AXIN1: variants seen among roughly 807,000 people sequenced by gnomAD.
AXIN1 encodes the protein axin-1.
Under a neutral mutation model 76.4 loss-of-function variants are expected in AXIN1, and 30 were observed. The observed-to-expected ratio is 0.39, with a 90% CI of 0.29 to 0.53. The LOEUF (loss-of-function observed/expected upper bound fraction) is 0.53, where lower values mean the gene tolerates loss of function less well. Among genes scored for constraint, AXIN1 ranks in the 20% least tolerant of loss-of-function variants. The probability of loss-of-function intolerance (pLI) is 0.66; values close to 1 mark genes in which losing one functional copy is unlikely to be tolerated. For synonymous variants in AXIN1, 545 were observed against 501.4 expected (o/e 1.09, Z -1.16); for missense variants, 1,140 against 1,198.8 (o/e 0.95, Z 0.72).
At chr16:319,725 T>G (rs111576193) in intron 2 of AXIN1, among the ~76,000 whole-genome samples, 3 of 152,224 alleles carry the variant, frequency 2.0e-5, no homozygotes, top group Non-Finnish European at 2.9e-5. Context: ...CTCTGGTCAC[T>G]GTGGTACTTT....
intron 2 of AXIN1, among the ~76,000 whole-genome samples, chr16:340,561 C>G (rs1395760647): frequency 6.6e-6 from 1 of 152,214 alleles, no homozygotes; most frequent in Non-Finnish European, 1.5e-5. Flanking sequence ...CTGGGCCTCC[C>G]GCCCAACACT....
intron 2 of AXIN1, among the ~76,000 whole-genome samples, chr16:339,510 CAAAAAAA>C (rs35043577): frequency 7.4e-5 from 5 of 67,574 alleles, no homozygotes; most frequent in Admixed American, 1.8e-4. Context: ...GACTCCATCT[CAAAAAAA>C]AAAAAAAAAA....
At chr16:306,930 C>A (rs1311027973) in intron 4 of AXIN1, among the ~76,000 whole-genome samples, 3 of 152,222 alleles carry the variant, frequency 2.0e-5, no homozygotes, top group Non-Finnish European at 4.4e-5. Flanking sequence ...AGGGCGTCCA[C>A]ACAGATGGCA....
intron 2 of AXIN1, among the ~76,000 whole-genome samples, chr16:320,943 T>C (rs1379681306): frequency 6.6e-6 from 1 of 151,950 alleles, no homozygotes; most frequent in African/African-American, 2.4e-5. Context: ...TTTCGCCGTG[T>C]TGGTCAGGCT....
chr16:307,694 C>G (rs1256047315), intron 4 of AXIN1, among the ~76,000 whole-genome samples: 1 of 152,232 alleles, frequency 6.6e-6, no homozygotes, highest in Admixed American at 6.5e-5. Flanking sequence ...CTATGAGCGT[C>G]TAAGCTACTC....
intron 2 of AXIN1, among the ~76,000 whole-genome samples, chr16:344,528 G>A (rs552000510): frequency 7.6e-5 from 11 of 145,288 alleles, no homozygotes; most frequent in South Asian, 6.6e-4. Context: ...TCCTCTTGTC[G>A]CCCAGGCTGG....
chr16:334,752 C>A (rs1013949600), intron 2 of AXIN1, among the ~76,000 whole-genome samples: 6 of 151,692 alleles, frequency 4.0e-5, no homozygotes, highest in Non-Finnish European at 5.9e-5. Context: ...GCACCTAGTA[C>A]CACAACACAC....
intron 7 of AXIN1, among the ~76,000 whole-genome samples, chr16:294,924 C>T (rs1361703649): frequency 6.6e-6 from 1 of 150,788 alleles, no homozygotes; most frequent in African/African-American, 2.4e-5. Flanking sequence ...ATTAGCCGGG[C>T]GTGGTGGCGG....
At chr16:333,435 GAAA>G (rs756612335) in intron 2 of AXIN1, among the ~76,000 whole-genome samples, 1 of 101,548 alleles carries the variant, frequency 9.8e-6, no homozygotes. Flanking sequence ...ACTCGCCTCA[GAAA>G]AAAAAAAAAA....
rs1567264999 is a variant in AXIN1 at position 297,186 on chromosome 16, CCTT to C, written c.1822_1824del (p.Lys608del). 6.2e-7 allele frequency: 1 copy of C among 1,610,226 alleles called. No individual in the cohort carries two copies. On this transcript the variant is annotated inframe_deletion, in exon 7 of 11. Transcript: ENST00000262320. Reference sequence around the variant, plus strand: ...GTGCTGGCGCTCTTCCCCGACTCAGCCTTCTTGGCATTTCTTTTGCACGCCACG... The same window carrying C: ...GTGCTGGCGCTCTTCCCCGACTCAGCCTTGGCATTTCTTTTGCACGCCACG...
At chr16:328,090 T>A (rs568900792) in intron 2 of AXIN1, among the ~76,000 whole-genome samples, 44 of 152,100 alleles carry the variant, frequency 2.9e-4, no homozygotes, top group Non-Finnish European at 4.4e-4. Flanking sequence ...TACAAAAAAA[T>A]GTTGCAAAAA....
intron 3 of AXIN1, among the ~76,000 whole-genome samples, chr16:311,859 C>A (rs1005593233): frequency 8.5e-5 from 13 of 152,306 alleles, no homozygotes; most frequent in Admixed American, 3.3e-4. Flanking sequence ...CCTCTCAGAG[C>A]TGCCAGGAGA....
chr16:309,794 T>C (rs1414600074), intron 4 of AXIN1, among the ~76,000 whole-genome samples, 179 bp downstream of exon 4: 5 of 152,230 alleles, frequency 3.3e-5, no homozygotes, highest in Non-Finnish European at 5.9e-5. Context: ...TGAGACTTGA[T>C]GTCCCCTGCT....
chr16:340,033 C>T (rs1346250329), intron 2 of AXIN1, among the ~76,000 whole-genome samples: 3 of 151,186 alleles, frequency 2.0e-5, no homozygotes. Flanking sequence ...CTTTCTTTTT[C>T]TTCTTCTTCT....
At chr16:326,372 A>AATATATATATATAT (rs67811547) in intron 2 of AXIN1, among the ~76,000 whole-genome samples, 11 of 86,462 alleles carry the variant, frequency 1.3e-4, no homozygotes, top group Non-Finnish European at 1.9e-4. Flanking sequence ...AAAAAAAAAA[A>AATATATATATATAT]ATATATATAT....
At chr16:341,231 G>A (rs1189438140) in intron 2 of AXIN1, among the ~76,000 whole-genome samples, 2 of 152,270 alleles carry the variant, frequency 1.3e-5, no homozygotes, top group African/African-American at 4.8e-5. Context: ...GCCAAGGCCG[G>A]AGCCGGCTCC....
chr16:301,292 CAA>C (rs546536548), intron 5 of AXIN1, among the ~76,000 whole-genome samples: 7 of 105,652 alleles, frequency 6.6e-5, no homozygotes, highest in South Asian at 3.4e-4. Flanking sequence ...CAAAACAAAG[CAA>C]AAAAAAAAAA....
At chr16:351,676 G>C (rs8045209) in intron 1 of AXIN1, among the ~76,000 whole-genome samples, 2 of 152,070 alleles carry the variant, frequency 1.3e-5, no homozygotes, top group African/African-American at 4.8e-5. Flanking sequence ...GAAGGCTGAG[G>C]CAGGTGGATC....
chr16:314,599 G>A lies in AXIN1; in HGVS notation c.963C>T (p.Ser321=), dbSNP rs781275410. 1.4e-5 allele frequency: 22 copies of A among 1,613,970 alleles called. No homozygotes were observed. Among genetic ancestry groups the A allele is most frequent in the Admixed American group, 8.3e-5 (5 of 60,026 alleles). ...ALAPATSAND[S]EQQSLSSDAD... is the part of the protein sequence containing the mutation. ...CATCGCTGGACAGGCTCTGCTGCTC[G>A]CTGTCGTTGGCACTGGTGGCTGGGG... The change falls in exon 3 of 11, where the codon AGC becomes AGT. Residue 321 remains serine (S), a synonymous_variant. Coordinates refer to ENST00000262320, the MANE Select transcript of AXIN1 (RefSeq NM_003502.4).
Sources: allele counts gnomAD v4.1 joint callset (sites outside exome capture counted in the v4.1 genomes callset), GRCh38; gene constraint gnomAD v4.1.1; transcripts MANE v1.5; gene names NCBI Gene and HGNC (gene_info 2026-07-23, HGNC 2026-07-21).